LRRC4C: variants seen among roughly 807,000 people sequenced by gnomAD.
The protein encoded by LRRC4C is leucine rich repeat containing 4C, also known as leucine-rich repeat-containing protein 4C.
In LRRC4C, 5 loss-of-function variants were observed where a neutral mutation model predicts 33.6. The ratio of observed to expected loss-of-function variants is 0.15; its 90% CI spans 0.08 to 0.31. The LOEUF (loss-of-function observed/expected upper bound fraction) is 0.31, where lower values mean the gene tolerates loss of function less well. LRRC4C is among the 10% of genes least tolerant of loss of function. The pLI is 1.00. For synonymous variants in LRRC4C, 329 were observed against 302.0 expected, an observed-to-expected ratio of 1.09 and a Z score of -0.93; for missense variants, 560 against 796.7, an observed-to-expected ratio of 0.70 and a Z score of 3.58.
intron 2 of LRRC4C, among the ~76,000 whole-genome samples, chr11:40,732,123 T>C (rs10837486): frequency 0.37 from 56,126 of 151,838 alleles, 10,687 homozygotes; most frequent in Non-Finnish European, 0.39. Flanking sequence ...GTTTCTTCTG[T>C]TAATTATTTT....
At chr11:40,558,844 C>G (rs190856511) in intron 3 of LRRC4C, among the ~76,000 whole-genome samples, 1 of 151,994 alleles carries the variant, frequency 6.6e-6, no homozygotes. Context: ...TTTTTCTGCT[C>G]CTCTCCCTCC....
At chr11:40,753,955 T>C (rs1948816658) in intron 2 of LRRC4C, among the ~76,000 whole-genome samples, 1 of 151,948 alleles carries the variant, frequency 6.6e-6, no homozygotes, top group African/African-American at 2.4e-5. Flanking sequence ...TATATAAACA[T>C]GGTGTACACA....
chr11:41,148,438 T>C (rs539060502), intron 1 of LRRC4C, among the ~76,000 whole-genome samples: 6 of 152,280 alleles, frequency 3.9e-5, no homozygotes, highest in Admixed American at 2.6e-4. Flanking sequence ...AGATTATTTG[T>C]CATTGGATAA....
chr11:41,190,340 G>T (rs1221285055), intron 1 of LRRC4C, among the ~76,000 whole-genome samples: 1 of 152,108 alleles, frequency 6.6e-6, no homozygotes, highest in Non-Finnish European at 1.5e-5. Flanking sequence ...TATAATTAAG[G>T]CAAACTGGCA....
At chr11:41,329,554 G>C (rs1287714082) in intron 1 of LRRC4C, among the ~76,000 whole-genome samples, 2 of 152,140 alleles carry the variant, frequency 1.3e-5, no homozygotes, top group African/African-American at 4.8e-5. Flanking sequence ...CCACATTGTG[G>C]TGTTTTTCAA....
At chr11:41,357,022 T>G (rs972192434) in intron 1 of LRRC4C, among the ~76,000 whole-genome samples, 26 of 152,074 alleles carry the variant, frequency 1.7e-4, no homozygotes, top group African/African-American at 6.3e-4. Flanking sequence ...TTCAAGTGAT[T>G]TGTTTACCTT....
At chr11:41,458,540 G>T (rs1431255722) in intron 1 of LRRC4C, among the ~76,000 whole-genome samples, 2 of 137,334 alleles carry the variant, frequency 1.5e-5, no homozygotes, top group South Asian at 2.7e-4. Context: ...AAGGAAAAGC[G>T]TGGTGGGGGG....
rs116681993 is a variant in LRRC4C at position 40,371,645 on chromosome 11, C to T, written c.-269-51924G>A. 7.6e-3 allele frequency among the ~76,000 whole-genome samples: 1,157 copies of T among 152,088 alleles called. 14 individuals are homozygous for T. The highest frequency in any genetic ancestry group is 0.026 in the African/African-American group (1,070 of 41,478). ...CTTATTGAGCCAACAACTAATGGCC[C>T]GGTAATGTGCTAAAAGATGAATATG... On this transcript the variant is annotated intron_variant, in intron 3 of 6. Coordinates refer to ENST00000528697, the MANE Select transcript of LRRC4C (RefSeq NM_001258419.2).
At chr11:41,107,221 G>T (rs576258453) in intron 1 of LRRC4C, among the ~76,000 whole-genome samples, 1 of 152,130 alleles carries the variant, frequency 6.6e-6, no homozygotes, top group South Asian at 2.1e-4. Context: ...TTGGATTTTA[G>T]ATGTTCTGAT....
At chr11:40,681,862 G>A (rs556718996) in intron 2 of LRRC4C, among the ~76,000 whole-genome samples, 1 of 152,134 alleles carries the variant, frequency 6.6e-6, no homozygotes, top group African/African-American at 2.4e-5. Context: ...ACCAAACATC[G>A]TATTTTCTCA....
chr11:40,848,557 C>G (rs1380439669), intron 2 of LRRC4C, among the ~76,000 whole-genome samples: 1 of 152,082 alleles, frequency 6.6e-6, no homozygotes, highest in Non-Finnish European at 1.5e-5. Context: ...GAGTGTTTTA[C>G]TTCCAATTAT....
intron 5 of LRRC4C, among the ~76,000 whole-genome samples, chr11:40,203,355 TG>T (rs1364935867): frequency 6.6e-6 from 1 of 152,156 alleles, no homozygotes. Context: ...GGTAAATAAA[TG>T]CTCTAGTGAT....
intron 6 of LRRC4C, among the ~76,000 whole-genome samples, chr11:40,116,872 C>T (rs1855475564): frequency 6.6e-6 from 1 of 152,074 alleles, no homozygotes; most frequent in Non-Finnish European, 1.5e-5. Flanking sequence ...ATGTAGGAAG[C>T]CTTATAAAAA....
intron 2 of LRRC4C, among the ~76,000 whole-genome samples, chr11:40,798,790 C>G (rs966634278): frequency 6.6e-6 from 1 of 151,662 alleles, no homozygotes; most frequent in African/African-American, 2.4e-5. Context: ...ATTACAGGCA[C>G]CTGCCACCAT....
intron 1 of LRRC4C, among the ~76,000 whole-genome samples, chr11:41,024,928 G>A (rs1856237632): frequency 6.6e-6 from 1 of 151,094 alleles, no homozygotes; most frequent in Non-Finnish European, 1.5e-5. Flanking sequence ...ATTTTTCATT[G>A]TTATTATATC....
intron 1 of LRRC4C, among the ~76,000 whole-genome samples, chr11:41,294,458 C>T (rs752304128): frequency 2.6e-5 from 4 of 152,144 alleles, no homozygotes; most frequent in Non-Finnish European, 5.9e-5. Context: ...CTTAGGAAAG[C>T]AGAGACTACT....
chr11:41,184,280 C>T (rs1400520151), intron 1 of LRRC4C, among the ~76,000 whole-genome samples: 1 of 151,214 alleles, frequency 6.6e-6, no homozygotes, highest in Non-Finnish European at 1.5e-5. Context: ...GTCATATTGT[C>T]AGGGTGCAAA....
At chr11:40,290,342 A>T (rs1352552463) in intron 4 of LRRC4C, among the ~76,000 whole-genome samples, 1 of 152,210 alleles carries the variant, frequency 6.6e-6, no homozygotes, top group Non-Finnish European at 1.5e-5. Flanking sequence ...GCACAAGCCT[A>T]TGGGGATTTC....
chr11:41,082,219 T>A (rs1319337067), intron 1 of LRRC4C, among the ~76,000 whole-genome samples: 1 of 152,214 alleles, frequency 6.6e-6, no homozygotes. Context: ...TCAGCTTCTA[T>A]AGAAACGCAT....
Sources: allele counts gnomAD v4.1 joint callset (sites outside exome capture counted in the v4.1 genomes callset), GRCh38; gene constraint gnomAD v4.1.1; transcripts MANE v1.5; gene names NCBI Gene and HGNC (gene_info 2026-07-23, HGNC 2026-07-21).